The following PLCB4 variants were observed in gnomAD, a reference collection of about 807,000 sequenced individuals.
PLCB4 encodes the protein 1-phosphatidylinositol 4,5-bisphosphate phosphodiesterase beta-4.
A neutral mutation model predicts 178.8 loss-of-function variants in PLCB4; 77 were observed. The ratio of observed to expected loss-of-function variants is 0.43; its 90% CI spans 0.36 to 0.52. The LOEUF (loss-of-function observed/expected upper bound fraction) is 0.52. Among genes scored for constraint, PLCB4 ranks in the 20% least tolerant of loss-of-function variants. The pLI, the probability that PLCB4 is intolerant of heterozygous loss-of-function variation, is 0.00. For missense variants in PLCB4, 1,024 were observed against 1,453.4 expected, an observed-to-expected ratio of 0.70 and a Z score of 4.80; for synonymous variants, 496 against 490.8, an observed-to-expected ratio of 1.01 and a Z score of -0.14.
intron 1 of PLCB4, among the ~76,000 whole-genome samples, chr20:9,089,376 T>G (rs565953613): frequency 6.6e-6 from 1 of 152,160 alleles, no homozygotes; most frequent in African/African-American, 2.4e-5. Context: ...TAAAAAATAT[T>G]GGAAAATAAC....
intron 38 of PLCB4, among the ~76,000 whole-genome samples, 169 bp downstream of exon 38, chr20:9,473,534 T>A (rs1659331869): frequency 6.6e-6 from 1 of 152,112 alleles, no homozygotes; most frequent in Admixed American, 6.5e-5. Flanking sequence ...GAAAAGAAAG[T>A]ACCAGTTTTT....
At chr20:9,407,821 G>A (rs939499755) in intron 21 of PLCB4, 96 bp from the exon 22 acceptor site, 5 of 1,002,620 alleles carry the variant, frequency 5.0e-6, no homozygotes, top group East Asian at 2.5e-5. Context: ...TTCAATTTGT[G>A]TGTGTGCAAT....
chr20:9,275,644 C>A (rs2094444323), intron 3 of PLCB4, among the ~76,000 whole-genome samples: 1 of 152,014 alleles, frequency 6.6e-6, no homozygotes, highest in Admixed American at 6.6e-5. Context: ...TGATAGGGAG[C>A]AATTCCAGAA....
At chr20:9,312,475 G>T (rs1168248714) in intron 4 of PLCB4, among the ~76,000 whole-genome samples, 1 of 151,858 alleles carries the variant, frequency 6.6e-6, no homozygotes, top group Non-Finnish European at 1.5e-5. Context: ...GTATCAAAGT[G>T]CAGGGTCAAT....
intron 7 of PLCB4, among the ~76,000 whole-genome samples, chr20:9,352,088 C>T (rs1477966299): frequency 6.6e-6 from 1 of 152,144 alleles, no homozygotes; most frequent in Non-Finnish European, 1.5e-5. Context: ...ATTTTAAAAT[C>T]CCTCCATTCT....
chr20:9,199,705 T>C (rs568493309), intron 2 of PLCB4, among the ~76,000 whole-genome samples: 2 of 152,378 alleles, frequency 1.3e-5, no homozygotes, highest in South Asian at 4.1e-4. Flanking sequence ...ACAGCATCCT[T>C]AATTTTCTGA....
chr20:9,079,499 T>G (rs2090042987), intron 1 of PLCB4, among the ~76,000 whole-genome samples: 1 of 152,044 alleles, frequency 6.6e-6, no homozygotes, highest in Non-Finnish European at 1.5e-5. Context: ...TCTCTGCCTG[T>G]CCCCTAAACG....
rs1434478801 is a variant in PLCB4, at chr20:9,244,149, G to T, written c.-16+26697G>T. ...CTTAGAGTGATGTTATTCTGTGGTC[G>T]TATTGCTGCATCCTAATCATGAATC... On this transcript the variant is annotated intron_variant, in intron 3 of 39. Transcript: ENST00000378473. Among the ~76,000 whole-genome samples the T allele has an allele frequency of 1.1e-4, 16 of 152,038 alleles. 1 individual carries two copies. The highest frequency in any genetic ancestry group is 1.0e-3 in the Admixed American group (16 of 15,258).
chr20:9,082,793 A>T (rs1316666200), intron 1 of PLCB4, among the ~76,000 whole-genome samples: 1 of 152,106 alleles, frequency 6.6e-6, no homozygotes, highest in East Asian at 1.9e-4. Context: ...TAACTGGTTA[A>T]AGTTTCTCCC....
intron 1 of PLCB4, among the ~76,000 whole-genome samples, 152 bp downstream of exon 1, chr20:9,069,358 G>C (rs553226330): frequency 6.6e-6 from 1 of 152,092 alleles, no homozygotes; most frequent in African/African-American, 2.4e-5. Context: ...GGTGCCAGGC[G>C]CCCTGTGCGC....
intron 7 of PLCB4, among the ~76,000 whole-genome samples, chr20:9,355,972 G>T (rs879137368): frequency 3.8e-4 from 58 of 152,170 alleles, no homozygotes; most frequent in African/African-American, 1.3e-3. Flanking sequence ...TTTCCTGACT[G>T]TTTAATGATT....
intron 2 of PLCB4, among the ~76,000 whole-genome samples, chr20:9,099,822 T>G (rs535087375): frequency 6.6e-6 from 1 of 152,240 alleles, no homozygotes; most frequent in East Asian, 1.9e-4. Flanking sequence ...CTCCCCTCCC[T>G]TTCATTATGG....
At chr20:9,313,254 A>G (rs1027133571) in intron 4 of PLCB4, among the ~76,000 whole-genome samples, 3 of 152,234 alleles carry the variant, frequency 2.0e-5, no homozygotes, top group Non-Finnish European at 2.9e-5. Context: ...AACTTTTATA[A>G]TCAACCTAAG....
intron 1 of PLCB4, among the ~76,000 whole-genome samples, chr20:9,083,432 A>G (rs2090254133): frequency 1.3e-5 from 2 of 152,148 alleles, no homozygotes. Context: ...AATGGGATAC[A>G]TAAGAAATGG....
intron 2 of PLCB4, among the ~76,000 whole-genome samples, chr20:9,163,845 A>G (rs2092927853): frequency 6.6e-6 from 1 of 152,156 alleles, no homozygotes; most frequent in African/African-American, 2.4e-5. Context: ...TGCAAACATC[A>G]GAACAAAAGA....
Position 9,380,171 on chromosome 20 carries a change from C to A in PLCB4, c.853+9C>A. ...AGATTTGAAGAAAAAAGGTAATAAA[C>A]ATGAAAAAAGGACTTAAAAAAAAAA... On this transcript the variant is annotated intron_variant, in intron 13 of 39. Coordinates refer to ENST00000378473, the MANE Select transcript of PLCB4 (RefSeq NM_001377142.1). 32 of 1,278,766 alleles carry A rather than the reference C, an allele frequency of 2.5e-5. No individual in the cohort carries two copies. Among genetic ancestry groups the A allele is most frequent in the South Asian group, 8.7e-5 (6 of 69,186 alleles). The allele number at this position is 1,278,766 out of a possible 1,614,324, so 79.2% of individuals were successfully genotyped here. A position where few individuals can be genotyped will look rare whatever the true frequency, so the allele number is the denominator to read the frequency against.
chr20:9,149,584 A>G (rs2092656941), intron 2 of PLCB4, among the ~76,000 whole-genome samples: 1 of 152,206 alleles, frequency 6.6e-6, no homozygotes, highest in Non-Finnish European at 1.5e-5. Context: ...TGGACATAAC[A>G]ATGGAAACTC....
At position 9,330,939 on chromosome 20, in the gene PLCB4, G is replaced by A. The variant is rs79940177; in HGVS notation, c.85-6187G>A. Reference sequence around the variant, plus strand: ...ATTTTCTCATAAGTACGACCATTTAGTCAGCATTTACTTTGTCCCAGGTAC... The same window carrying A: ...ATTTTCTCATAAGTACGACCATTTAATCAGCATTTACTTTGTCCCAGGTAC... On this transcript the variant is annotated intron_variant, in intron 4 of 39. Coordinates refer to ENST00000378473, the MANE Select transcript of PLCB4 (RefSeq NM_001377142.1). Among the ~76,000 whole-genome samples, 25 of 152,256 alleles carry A rather than the reference G, an allele frequency of 1.6e-4. No homozygotes were observed. In the East Asian group the frequency reaches 4.8e-3, roughly 29 times the overall value.
chr20:9,337,119 T>C lies in PLCB4; in HGVS notation c.85-7T>C, dbSNP rs2032575855. 1.2e-6 allele frequency: 2 copies of C among 1,600,844 alleles called. No homozygotes were observed. The highest frequency in any genetic ancestry group is 1.7e-6 in the Non-Finnish European group (2 of 1,168,060). On this transcript the variant is annotated splice_region_variant and splice_polypyrimidine_tract_variant and intron_variant, in intron 4 of 39. Coordinates refer to ENST00000378473, the MANE Select transcript of PLCB4 (RefSeq NM_001377142.1). ...GTCATGAAGATCAACACATTTCTTT[T>C]TGACAGGAATCCTTTGTGTTTGAAC...
Sources: allele counts gnomAD v4.1 joint callset (sites outside exome capture counted in the v4.1 genomes callset), GRCh38; gene constraint gnomAD v4.1.1; transcripts MANE v1.5; gene names NCBI Gene and HGNC (gene_info 2026-07-23, HGNC 2026-07-21).